Variants in POLQ observed in about 807,000 individuals in gnomAD.
POLQ encodes epididymis secretory sperm binding protein.
In POLQ, 233 loss-of-function variants were observed where a neutral mutation model predicts 259.2. That is an observed-to-expected ratio of 0.90 (90% CI 0.81 to 1.00). The LOEUF (loss-of-function observed/expected upper bound fraction) is 1.00, where lower values mean the gene tolerates loss of function less well. Among genes scored for constraint, POLQ ranks in the 50% least tolerant of loss-of-function variants. The pLI is 0.00. For missense variants in POLQ, 2,871 were observed against 3,051.6 expected, an observed-to-expected ratio of 0.94 and a Z score of 1.39; for synonymous variants, 1,025 against 1,048.8, an observed-to-expected ratio of 0.98 and a Z score of 0.44.
intron 14 of POLQ, among the ~76,000 whole-genome samples, chr3:121,495,848 CAAAAAA>C (rs34476932): frequency 3.6e-5 from 1 of 28,120 alleles, no homozygotes; most frequent in Non-Finnish European, 7.5e-5. Context: ...GACTCTGTCT[CAAAAAA>C]AAAAAAAAAA....
chr3:121,489,820 T>A lies in POLQ; in HGVS notation c.3111A>T (p.Arg1037Ser). Residue 1037 changes from arginine (R) to serine (S), a missense_variant, in exon 16 of 30, where the codon AGA becomes AGT. Arg to Ser is a moderately radical substitution (Grantham distance 110). Coordinates refer to ENST00000264233, the MANE Select transcript of POLQ (RefSeq NM_199420.4). ...TTCTACGTTTCCAAGATCGAAAACT[T>A]CTGCTCATCTTTTCTGAATTGAAAT... ...PLNFNSEKMS[R>S]SFRSWKRRKH... The A allele has an allele frequency of 6.2e-7, 1 of 1,612,564 alleles. No individual in the cohort carries two copies. The highest frequency in any genetic ancestry group is 8.5e-7 in the Non-Finnish European group (1 of 1,179,726).
intron 18 of POLQ, among the ~76,000 whole-genome samples, 179 bp downstream of exon 18, chr3:121,483,205 TAC>T (rs1461655715): frequency 6.6e-6 from 1 of 152,214 alleles, no homozygotes; most frequent in Non-Finnish European, 1.5e-5. Context: ...TGTTTTTATC[TAC>T]ACAGAGATAT....
chr3:121,532,420 T>A (rs1415161799), intron 6 of POLQ, among the ~76,000 whole-genome samples: 3 of 152,234 alleles, frequency 2.0e-5, no homozygotes, highest in East Asian at 1.9e-4. Flanking sequence ...TTATTTTTTT[T>A]AAATGTTTAT....
At position 121,494,373 on chromosome 3, in the gene POLQ, G is replaced by A. The variant is rs1400508919; in HGVS notation, c.2279-652C>T. 18 of 1,587,756 alleles carry A rather than the reference G, an allele frequency of 1.1e-5. No homozygotes were observed. The Admixed American group carries it at 1.2e-4, about 10-fold the overall frequency. On this transcript the variant is annotated intron_variant, in intron 14 of 29. Coordinates refer to ENST00000264233, the MANE Select transcript of POLQ (RefSeq NM_199420.4). ...AACCAGTTCACCCAGGCCCTGGACCGCCAAACAGCTACTCAGCTGCTTAAG... is the reference window on the plus strand; with the variant it reads ...AACCAGTTCACCCAGGCCCTGGACCACCAAACAGCTACTCAGCTGCTTAAG...
At chr3:121,502,011 A>G (rs1252749533) in intron 12 of POLQ, among the ~76,000 whole-genome samples, 1 of 151,878 alleles carries the variant, frequency 6.6e-6, no homozygotes, top group African/African-American at 2.4e-5. Flanking sequence ...AAAAAAGCAA[A>G]GAAATACTAA....
At chr3:121,502,608 T>A (rs1390255881) in intron 12 of POLQ, among the ~76,000 whole-genome samples, 2 of 152,114 alleles carry the variant, frequency 1.3e-5, no homozygotes, top group Non-Finnish European at 1.5e-5. Context: ...TGTACTGGAC[T>A]AAGGAAATGA....
Position 121,519,991 on chromosome 3 carries a change from C to T in POLQ, c.1348G>A (p.Val450Met). Residue 450 changes from valine to methionine, a missense_variant, in exon 9 of 30, where the codon GTG becomes ATG. This residue lies in a region of POLQ where 783 missense variants were observed against 906.2 expected (regional missense o/e 0.86). Coordinates refer to ENST00000264233, the MANE Select transcript of POLQ (RefSeq NM_199420.4). The stretch of plus-strand genomic sequence containing the variant: ...ATCACACGACGTGCAGGTAAATTCA[C>T]CCCAGAAGAAAGAGTAGAAGTTGCC... ...LAATSTLSSGVNLPARRVIIR... is the reference protein window; with the variant it reads ...LAATSTLSSGMNLPARRVIIR... 1.2e-6 allele frequency: 2 copies of T among 1,612,852 alleles called. No homozygotes were observed. The highest frequency in any genetic ancestry group is 1.7e-6 in the Non-Finnish European group (2 of 1,178,936).
At chr3:121,449,665 T>C (rs942014747) in intron 25 of POLQ, among the ~76,000 whole-genome samples, 2 of 152,178 alleles carry the variant, frequency 1.3e-5, no homozygotes, top group African/African-American at 4.8e-5. Context: ...TGAATAGGTA[T>C]GTGTGATCTA....
chr3:121,508,475 G>A (rs1576420952), intron 12 of POLQ, among the ~76,000 whole-genome samples: 2 of 152,258 alleles, frequency 1.3e-5, no homozygotes, highest in South Asian at 2.1e-4. Context: ...ACTTACCCAA[G>A]GTTATATGAT....
chr3:121,532,798 G>T (rs1427922895), intron 6 of POLQ, among the ~76,000 whole-genome samples, 192 bp downstream of exon 6: 1 of 152,134 alleles, frequency 6.6e-6, no homozygotes, highest in East Asian at 1.9e-4. Flanking sequence ...CTCCCAACAT[G>T]TTGGGATTAC....
chr3:121,478,271 T>A (rs536397383), intron 19 of POLQ, among the ~76,000 whole-genome samples: 9 of 151,946 alleles, frequency 5.9e-5, no homozygotes, highest in African/African-American at 2.2e-4. Context: ...AGGGAAGATT[T>A]CCCCCACGTA....
chr3:121,486,409 C>T (rs1212493121), intron 16 of POLQ, among the ~76,000 whole-genome samples: 1 of 151,960 alleles, frequency 6.6e-6, no homozygotes, highest in Non-Finnish European at 1.5e-5. Flanking sequence ...AAAAAATTAG[C>T]CAGGCATGAT....
intron 26 of POLQ, among the ~76,000 whole-genome samples, chr3:121,447,314 T>C (rs147694732): frequency 1.6e-4 from 25 of 151,676 alleles, no homozygotes; most frequent in Non-Finnish European, 1.9e-4. Context: ...AGGATTACAG[T>C]CACCTATCAT....
chr3:121,524,735 A>C (rs560942692), intron 7 of POLQ, among the ~76,000 whole-genome samples: 19 of 152,234 alleles, frequency 1.2e-4, no homozygotes, highest in African/African-American at 4.6e-4. Context: ...TAGAGGGAAG[A>C]GACAGCAAAA....
At chr3:121,467,150 G>A (rs953596717) in intron 24 of POLQ, among the ~76,000 whole-genome samples, 3 of 152,108 alleles carry the variant, frequency 2.0e-5, no homozygotes, top group Admixed American at 6.6e-5. Flanking sequence ...GCCCTTAGAG[G>A]TCAAGGGAGA....
intron 26 of POLQ, among the ~76,000 whole-genome samples, chr3:121,444,926 C>G (rs148241661): frequency 0.014 from 2,106 of 152,260 alleles, 49 homozygotes; most frequent in African/African-American, 0.048. Flanking sequence ...GTTGAACCAT[C>G]CTTGCATCCC....
intron 12 of POLQ, among the ~76,000 whole-genome samples, chr3:121,501,517 G>A (rs1394564809): frequency 6.6e-6 from 1 of 150,812 alleles, no homozygotes; most frequent in Non-Finnish European, 1.5e-5. Context: ...AAATTAGCTG[G>A]GCGTAGTGGC....
intron 20 of POLQ, 130 bp downstream of exon 20, chr3:121,476,410 G>T: frequency 1.7e-6 from 1 of 585,708 alleles, no homozygotes; most frequent in South Asian, 2.8e-5. Flanking sequence ...AAGCAATCTG[G>T]TTAACTGGCT....
chr3:121,449,517 TA>T (rs2047656371), intron 25 of POLQ, 91 bp from the exon 26 acceptor site: 9 of 740,028 alleles, frequency 1.2e-5, no homozygotes, highest in African/African-American at 8.7e-5. Flanking sequence ...GCAAACTTTT[TA>T]TTTCACAGTG....
Sources: allele counts gnomAD v4.1 joint callset (sites outside exome capture counted in the v4.1 genomes callset), GRCh38; gene constraint gnomAD v4.1.1; regional missense constraint gnomAD v4.1.1; transcripts MANE v1.5; gene names NCBI Gene and HGNC (gene_info 2026-07-23, HGNC 2026-07-21).